PRDX1: variants seen among roughly 807,000 people sequenced by gnomAD.
PRDX1 encodes the protein peroxiredoxin-1.
In PRDX1, 19 loss-of-function variants were observed where a neutral mutation model predicts 20.7. The ratio of observed to expected loss-of-function variants is 0.92; its 90% CI spans 0.64 to 1.35. The LOEUF is 1.35. Among genes scored for constraint, PRDX1 ranks in the 40% most tolerant of loss-of-function variants. The pLI, the probability that PRDX1 is intolerant of heterozygous loss-of-function variation, is 0.00. For missense variants in PRDX1, 226 were observed against 240.0 expected (o/e 0.94, Z 0.38); for synonymous variants, 89 against 83.9 (o/e 1.06, Z -0.33).
In PRDX1 at chr1:45,512,281, A is replaced by G. The variant is rs144613694; in HGVS notation, c.515-867T>C. On this transcript the variant is annotated intron_variant, in intron 5 of 5. Coordinates refer to ENST00000319248, the MANE Select transcript of PRDX1 (RefSeq NM_181697.3). ...TTGAGACAGTCTCACATTGTCGCCC[A>G]GGCTGGAGTGCAGTGGCGCGATCTC... 4.6e-4 allele frequency: 69 copies of G among 151,058 alleles called. 1 individual carries two copies. The East Asian group carries it at 0.013, about 29-fold the overall frequency. The allele number at this position is 151,058 out of a possible 1,614,324, so 9.4% of individuals were successfully genotyped here.
intron 3 of PRDX1, 47 bp from the exon 4 acceptor site, chr1:45,515,042 A>C: frequency 2.5e-6 from 4 of 1,604,498 alleles, no homozygotes; most frequent in Non-Finnish European, 3.4e-6. Flanking sequence ...TCTTGACTTG[A>C]CTGTACGCAT....
intron 2 of PRDX1, among the ~76,000 whole-genome samples, chr1:45,516,643 C>T (rs1355428482): frequency 6.6e-6 from 1 of 152,108 alleles, no homozygotes; most frequent in Non-Finnish European, 1.5e-5. Flanking sequence ...CTCGCCACAC[C>T]CACCAGGCTT....
Position 45,511,267 on chromosome 1 carries a change from T to G in PRDX1, c.*62A>C. The G allele has an allele frequency of 7.5e-6, 10 of 1,329,432 alleles. No homozygotes were observed. The highest frequency in any genetic ancestry group is 1.0e-5 in the Non-Finnish European group (10 of 967,780). The allele number at this position is 1,329,432 out of a possible 1,614,324, so 82.4% of individuals were successfully genotyped here. Reference sequence around the variant, plus strand: ...GTGTTTTACTAATGGAAAAAAAAAATACAGAAGAGGTTTTGTTCTCATGGC... The same window carrying G: ...GTGTTTTACTAATGGAAAAAAAAAAGACAGAAGAGGTTTTGTTCTCATGGC... On this transcript the variant is annotated 3_prime_UTR_variant, in exon 6 of 6. Transcript: ENST00000319248.
rs1643737560 is a variant in PRDX1 at position 45,511,257 on chromosome 1, A to G, written c.*72T>C. On this transcript the variant is annotated 3_prime_UTR_variant, in exon 6 of 6. Transcript: ENST00000319248. ...CTGAAGTCTTGTGTTTTACTAATGGAAAAAAAAAATACAGAAGAGGTTTTG... is the reference window on the plus strand; with the variant it reads ...CTGAAGTCTTGTGTTTTACTAATGGGAAAAAAAAATACAGAAGAGGTTTTG... The G allele has an allele frequency of 6.0e-6, 6 of 999,800 alleles. No homozygotes were observed. Among genetic ancestry groups the G allele is most frequent in the Admixed American group, 5.5e-5 (2 of 36,212 alleles). 61.9% of individuals were successfully genotyped at this position (999,800 alleles called of 1,614,324 possible).
At chr1:45,520,764 C>T (rs1643904670) in intron 1 of PRDX1, among the ~76,000 whole-genome samples, 1 of 146,644 alleles carries the variant, frequency 6.8e-6, no homozygotes, top group Non-Finnish European at 1.5e-5. Context: ...TTAGCCGGGG[C>T]TTGGTGGCAC....
In PRDX1 at chr1:45,520,139, A is replaced by AG. The variant is rs1643895981; in HGVS notation, c.-11-1086dup. ...AGAATCACTTGAACCCGGGAGGCAG[A>AG]GGTTGCAGTAAGCTGAGATCGCGCC... is the stretch of plus-strand genomic sequence containing the variant. On this transcript the variant is annotated intron_variant, in intron 1 of 5. Coordinates refer to ENST00000319248, the MANE Select transcript of PRDX1 (RefSeq NM_181697.3). 2.8e-5 allele frequency among the ~76,000 whole-genome samples: 4 copies of AG among 145,382 alleles called. No homozygotes were observed. In the Admixed American group the frequency reaches 2.8e-4, roughly 10 times the overall value.
At chr1:45,520,144 G>A (rs1267312547) in intron 1 of PRDX1, among the ~76,000 whole-genome samples, 1 of 148,592 alleles carries the variant, frequency 6.7e-6, no homozygotes, top group Non-Finnish European at 1.5e-5. Context: ...GGCAGAGGTT[G>A]CAGTAAGCTG....
At chr1:45,516,467 AAT>A (rs951394587) in intron 2 of PRDX1, among the ~76,000 whole-genome samples, 1 of 152,048 alleles carries the variant, frequency 6.6e-6, no homozygotes, top group Non-Finnish European at 1.5e-5. Flanking sequence ...AAACAACAGA[AAT>A]ATATATATAC....
chr1:45,512,712 G>GTT (rs1643777804), intron 5 of PRDX1: 2 of 152,094 alleles, frequency 1.3e-5, no homozygotes, highest in African/African-American at 4.8e-5. Flanking sequence ...GGAAAGTCCA[G>GTT]TTAAAGGGCC....
At chr1:45,518,467 CAAAAAAAAAAA>C (rs35407028) in intron 2 of PRDX1, among the ~76,000 whole-genome samples, 7 of 48,068 alleles carry the variant, frequency 1.5e-4, no homozygotes, top group African/African-American at 3.9e-4. Flanking sequence ...AACTCCATCT[CAAAAAAAAAAA>C]AAAAAAAAAA....
In PRDX1 at chr1:45,514,499, T is replaced by C. The variant is rs112554293; in HGVS notation, c.514+8A>G. Reference sequence around the variant, plus strand: ...CTCTGTTGTCCTGTTATCAGACAGATGGCTTACCTTCCCCATGTTTGTCAG... The same window carrying C: ...CTCTGTTGTCCTGTTATCAGACAGACGGCTTACCTTCCCCATGTTTGTCAG... On this transcript the variant is annotated splice_region_variant and intron_variant, in intron 5 of 5. Transcript: ENST00000319248. 106 of 1,614,102 alleles carry C rather than the reference T, an allele frequency of 6.6e-5. 1 individual carries two copies. In the African/African-American group the frequency reaches 1.1e-3, roughly 17 times the overall value.
chr1:45,511,658 C>A, intron 5 of PRDX1: 1 of 354,504 alleles, frequency 2.8e-6, no homozygotes, highest in Non-Finnish European at 5.1e-6. Flanking sequence ...TTAAATTTTC[C>A]ACAAAAAAAG....
chr1:45,518,921 A>C lies in PRDX1; in HGVS notation c.106+17T>G, dbSNP rs544601250. 3.9e-6 allele frequency: 6 copies of C among 1,545,440 alleles called. No individual in the cohort carries two copies. Among genetic ancestry groups the C allele is most frequent in the Non-Finnish European group, 5.3e-6 (6 of 1,127,568 alleles). On this transcript the variant is annotated intron_variant, in intron 2 of 5. Coordinates refer to ENST00000319248, the MANE Select transcript of PRDX1 (RefSeq NM_181697.3). ...AAAATAACTCCATCTCAATGAGCCC[A>C]GTGTTAATTCTCTCACCTTTGTAGT...
chr1:45,519,617 C>T (rs368109225), intron 1 of PRDX1, among the ~76,000 whole-genome samples: 1 of 152,064 alleles, frequency 6.6e-6, no homozygotes, highest in African/African-American at 2.4e-5. Flanking sequence ...GTTTTTTTGA[C>T]GGAGTTTCGC....
intron 1 of PRDX1, among the ~76,000 whole-genome samples, chr1:45,520,618 G>A (rs910426837): frequency 1.3e-5 from 2 of 151,330 alleles, no homozygotes; most frequent in African/African-American, 4.9e-5. Context: ...CAGCTACTCG[G>A]GAGGCTGAGG....
upstream of PRDX1, among the ~76,000 whole-genome samples, chr1:45,522,246 G>C (rs1304401317): frequency 1.3e-5 from 2 of 152,158 alleles, no homozygotes; most frequent in African/African-American, 4.8e-5. Flanking sequence ...GCTGCCCACG[G>C]AGGACCACGT....
At chr1:45,515,042 A>T in intron 3 of PRDX1, 47 bp from the exon 4 acceptor site, 1 of 1,604,498 alleles carries the variant, frequency 6.2e-7, no homozygotes, top group Non-Finnish European at 8.5e-7. Context: ...TCTTGACTTG[A>T]CTGTACGCAT....
chr1:45,514,475 T>A, intron 5 of PRDX1, 32 bp downstream of exon 5: 2 of 1,612,048 alleles, frequency 1.2e-6, no homozygotes, highest in Non-Finnish European at 1.7e-6. Context: ...ATACCACCAC[T>A]CTGTTGTCCT....
At position 45,514,868 on chromosome 1, in the gene PRDX1, CAT is replaced by C. The variant is rs1557613339; in HGVS notation, c.383+3_383+4del. 6.2e-7 allele frequency: 1 copy of C among 1,614,090 alleles called. No individual in the cohort carries two copies. The highest frequency in any genetic ancestry group is 1.7e-5 in the Admixed American group (1 of 60,018). ...GCCAACTGGATACTTGTCCTGATGA[CAT>C]ACCTGAACGAGATGCCTTCATCAGC... On this transcript the variant is annotated splice_donor_region_variant and intron_variant, in intron 4 of 5. Transcript: ENST00000319248.
Sources: allele counts gnomAD v4.1 joint callset (sites outside exome capture counted in the v4.1 genomes callset), GRCh38; gene constraint gnomAD v4.1.1; transcripts MANE v1.5; gene names NCBI Gene and HGNC (gene_info 2026-07-23, HGNC 2026-07-21).